ASCC3: variants seen among roughly 807,000 people sequenced by gnomAD.
The protein encoded by ASCC3 is ASC-1 complex subunit P200.
Under a neutral mutation model 256.3 loss-of-function variants are expected in ASCC3, and 158 were observed. The ratio of observed to expected loss-of-function variants is 0.62; its 90% CI spans 0.54 to 0.70. The LOEUF (loss-of-function observed/expected upper bound fraction) is 0.70, where lower values mean the gene tolerates loss of function less well. ASCC3 is among the 30% of genes least tolerant of loss of function. The pLI is 0.00. For synonymous variants in ASCC3, 948 were observed against 883.4 expected, an observed-to-expected ratio of 1.07 and a Z score of -1.30; for missense variants, 2,259 against 2,626.0, an observed-to-expected ratio of 0.86 and a Z score of 3.05.
intron 10 of ASCC3, among the ~76,000 whole-genome samples, chr6:100,746,455 G>A (rs1208533685): frequency 6.6e-6 from 1 of 152,090 alleles, no homozygotes; most frequent in African/African-American, 2.4e-5. Context: ...ATTTTAGAAG[G>A]ATCAATATCC....
intron 1 of ASCC3, among the ~76,000 whole-genome samples, chr6:100,877,672 A>G (rs1456295718): frequency 1.3e-5 from 2 of 152,164 alleles, no homozygotes; most frequent in African/African-American, 4.8e-5. Context: ...TGAATCTACC[A>G]AACACTGTAG....
chr6:100,768,949 A>G (rs962488677), intron 8 of ASCC3, among the ~76,000 whole-genome samples: 1 of 152,178 alleles, frequency 6.6e-6, no homozygotes, highest in Non-Finnish European at 1.5e-5. Flanking sequence ...GAAATGAAAT[A>G]GCACACCTCC....
chr6:100,582,796 AG>A (rs1366347441), intron 36 of ASCC3, among the ~76,000 whole-genome samples: 34 of 152,246 alleles, frequency 2.2e-4, no homozygotes, highest in South Asian at 6.2e-4. Context: ...TTTAGCATGA[AG>A]GGTTGTTGAA....
intron 36 of ASCC3, among the ~76,000 whole-genome samples, chr6:100,550,385 A>G (rs575081424): frequency 6.6e-6 from 1 of 152,044 alleles, no homozygotes; most frequent in Admixed American, 6.6e-5. Context: ...TACATACACT[A>G]TACACTCCCA....
chr6:100,669,354 T>C (rs1468560161), intron 14 of ASCC3, among the ~76,000 whole-genome samples: 3 of 150,436 alleles, frequency 2.0e-5, no homozygotes, highest in Non-Finnish European at 4.5e-5. Flanking sequence ...CAATAACTCA[T>C]AAAATAAGTG....
chr6:100,590,758 A>C lies in ASCC3; in HGVS notation c.5304-699T>G, dbSNP rs556454542. ...AACAATTTCAAATGGGAGAGGACTA[A>C]AGAAAGCCACAACTTGAGAGCAATA... On this transcript the variant is annotated intron_variant, in intron 34 of 41. Coordinates refer to ENST00000369162, the MANE Select transcript of ASCC3 (RefSeq NM_006828.4). Among the ~76,000 whole-genome samples, 60 of 152,250 alleles carry C rather than the reference A, an allele frequency of 3.9e-4. No homozygotes were observed. The South Asian group carries it at 0.012, about 31-fold the overall frequency.
intron 14 of ASCC3, among the ~76,000 whole-genome samples, chr6:100,664,275 T>C (rs1378669103): frequency 1.3e-5 from 2 of 152,030 alleles, no homozygotes; most frequent in East Asian, 3.9e-4. Flanking sequence ...TGGCAGGGAG[T>C]AAGATTTCAG....
At chr6:100,715,591 A>G in intron 12 of ASCC3, 58 bp from the exon 13 acceptor site, 1 of 1,496,704 alleles carries the variant, frequency 6.7e-7, no homozygotes, top group Non-Finnish European at 9.2e-7. Flanking sequence ...CTTTCTAACT[A>G]CAAATAAAAT....
At chr6:100,747,478 A>C (rs1356931025) in intron 10 of ASCC3, among the ~76,000 whole-genome samples, 1 of 152,106 alleles carries the variant, frequency 6.6e-6, no homozygotes, top group Non-Finnish European at 1.5e-5. Context: ...ACTAGAAGCA[A>C]GCCATATGTC....
chr6:100,651,657 A>T lies in ASCC3; in HGVS notation c.2989-11T>A. On this transcript the variant is annotated splice_polypyrimidine_tract_variant and intron_variant, in intron 18 of 41. Transcript: ENST00000369162. ...GAGTTCATTAAAGGTCTACCAAAGTAAGTGTTATATTTGATTAAAATAAAA... is the reference window on the plus strand; with the variant it reads ...GAGTTCATTAAAGGTCTACCAAAGTTAGTGTTATATTTGATTAAAATAAAA... The T allele has an allele frequency of 6.9e-7, 1 of 1,440,194 alleles. No individual in the cohort carries two copies. Among genetic ancestry groups the T allele is most frequent in the Non-Finnish European group, 9.6e-7 (1 of 1,042,206 alleles). The allele number at this position is 1,440,194 out of a possible 1,614,324, so 89.2% of individuals were successfully genotyped here.
intron 22 of ASCC3, among the ~76,000 whole-genome samples, chr6:100,646,263 T>C (rs1203326117): frequency 6.6e-6 from 1 of 152,144 alleles, no homozygotes; most frequent in Non-Finnish European, 1.5e-5. Context: ...TAATATACCA[T>C]GGTTTTCTTG....
At chr6:100,859,601 T>C (rs1773126656) in intron 3 of ASCC3, among the ~76,000 whole-genome samples, 1 of 151,970 alleles carries the variant, frequency 6.6e-6, no homozygotes, top group African/African-American at 2.4e-5. Flanking sequence ...TTTTGATTCC[T>C]CATTTTTTAA....
chr6:100,812,316 A>C (rs76852520), intron 4 of ASCC3, among the ~76,000 whole-genome samples: 5,006 of 152,232 alleles, frequency 0.033, 126 homozygotes, highest in African/African-American at 0.071. Context: ...AGAGGGAAAA[A>C]AGCAAGCAAC....
intron 8 of ASCC3, among the ~76,000 whole-genome samples, chr6:100,783,076 A>C (rs995294131): frequency 1.3e-5 from 2 of 152,054 alleles, no homozygotes; most frequent in Non-Finnish European, 2.9e-5. Flanking sequence ...TGTCTGATTT[A>C]GTGGAAAAGC....
At chr6:100,746,625 C>G (rs1195126988) in intron 10 of ASCC3, among the ~76,000 whole-genome samples, 1 of 151,964 alleles carries the variant, frequency 6.6e-6, no homozygotes, top group Non-Finnish European at 1.5e-5. Context: ...TTATAACATT[C>G]TTTGCTGTTA....
At chr6:100,817,766 T>C (rs886305884) in intron 4 of ASCC3, among the ~76,000 whole-genome samples, 2 of 152,126 alleles carry the variant, frequency 1.3e-5, no homozygotes, top group African/African-American at 2.4e-5. Context: ...AAGTAAAAGA[T>C]TGAATTAGTA....
At chr6:100,805,737 A>G (rs1447860371) in intron 5 of ASCC3, 23 bp downstream of exon 5, 2 of 1,607,040 alleles carry the variant, frequency 1.2e-6, no homozygotes, top group African/African-American at 2.7e-5. Context: ...TTAAATTACA[A>G]TGACCACTGC....
At chr6:100,676,453 C>G (rs192006564) in intron 14 of ASCC3, among the ~76,000 whole-genome samples, 6 of 152,306 alleles carry the variant, frequency 3.9e-5, no homozygotes, top group Admixed American at 3.3e-4. Context: ...GTTTGGGCAT[C>G]ATTTGTACAT....
At chr6:100,608,097 C>CATATATGTATATATATGTATATAT (rs1391815541) in intron 30 of ASCC3, among the ~76,000 whole-genome samples, 2 of 45,012 alleles carry the variant, frequency 4.4e-5, no homozygotes, top group South Asian at 7.8e-4. Flanking sequence ...TATCTATATA[C>CATATATGTATATATATGTATATAT]ACATATATAT....
Sources: allele counts gnomAD v4.1 joint callset (sites outside exome capture counted in the v4.1 genomes callset), GRCh38; gene constraint gnomAD v4.1.1; transcripts MANE v1.5; gene names NCBI Gene and HGNC (gene_info 2026-07-23, HGNC 2026-07-21).